KLHL1: variants seen among roughly 807,000 people sequenced by gnomAD.
The protein encoded by KLHL1 is kelch-like protein 1.
In KLHL1, 47 loss-of-function variants were observed where a neutral mutation model predicts 77.7. The observed-to-expected ratio is 0.60, with a 90% confidence interval of 0.48 to 0.77. The LOEUF is 0.77. Among genes scored for constraint, KLHL1 ranks in the 30% least tolerant of loss-of-function variants. KLHL1 has a pLI of 0.00. For synonymous variants in KLHL1, 360 were observed against 325.2 expected, an observed-to-expected ratio of 1.11 and a Z score of -1.15; for missense variants, 925 against 910.8, an observed-to-expected ratio of 1.02 and a Z score of -0.20.
At chr13:69,777,392 A>T (rs1474269749) in intron 7 of KLHL1, among the ~76,000 whole-genome samples, 1 of 152,200 alleles carries the variant, frequency 6.6e-6, no homozygotes, top group Non-Finnish European at 1.5e-5. Context: ...TTAATATTTG[A>T]TTATTAAATT....
chr13:70,017,928 T>G (rs559547695), intron 1 of KLHL1, among the ~76,000 whole-genome samples: 33 of 152,236 alleles, frequency 2.2e-4, no homozygotes, highest in African/African-American at 7.9e-4. Flanking sequence ...TGTATTTAAA[T>G]AAGAGTGTAA....
rs1359060017 is a variant in KLHL1 at position 70,009,688 on chromosome 13, T to A, written c.498-33886A>T. On this transcript the variant is annotated intron_variant, in intron 1 of 10. Coordinates refer to ENST00000377844, the MANE Select transcript of KLHL1 (RefSeq NM_020866.3). ...AACCTGTCTCCATGTGAGCTTCAAT[T>A]TTTTCATCTGTAATGTGGAACTAAT... is the stretch of plus-strand genomic sequence containing the variant. 2.0e-5 allele frequency among the ~76,000 whole-genome samples: 3 copies of A among 152,192 alleles called. 1 individual carries two copies. Among genetic ancestry groups the A allele is most frequent in the Admixed American group, 2.0e-4 (3 of 15,276 alleles).
chr13:69,872,260 G>A (rs982079431), intron 5 of KLHL1, among the ~76,000 whole-genome samples: 1 of 152,080 alleles, frequency 6.6e-6, no homozygotes, highest in South Asian at 2.1e-4. Context: ...AAGTACATAG[G>A]GGGGACTCCA....
At position 70,080,606 on chromosome 13, in the gene KLHL1, T is replaced by C. The variant is rs143506649; in HGVS notation, c.497+26597A>G. Among the ~76,000 whole-genome samples the C allele has an allele frequency of 2.6e-5, 4 of 152,270 alleles. No homozygotes were observed. The East Asian group carries it at 5.8e-4, about 22-fold the overall frequency. ...CTATTTATTTTACTTTGTTTTATTT[T>C]ATCATTTTTGAGAGGGAGGCTTGTT... is the stretch of plus-strand genomic sequence containing the variant. On this transcript the variant is annotated intron_variant, in intron 1 of 10. Transcript: ENST00000377844.
chr13:69,755,681 C>T (rs904573187), intron 7 of KLHL1, among the ~76,000 whole-genome samples: 1 of 151,964 alleles, frequency 6.6e-6, no homozygotes, highest in African/African-American at 2.4e-5. Context: ...AAGTTAATTA[C>T]GTAATGCATT....
intron 4 of KLHL1, among the ~76,000 whole-genome samples, chr13:69,934,396 G>A (rs1196114182): frequency 2.6e-5 from 4 of 151,754 alleles, no homozygotes; most frequent in East Asian, 1.9e-4. Context: ...ATACACAGAC[G>A]TATACATACA....
At chr13:70,008,513 T>C (rs1448325070) in intron 1 of KLHL1, among the ~76,000 whole-genome samples, 1 of 152,088 alleles carries the variant, frequency 6.6e-6, no homozygotes, top group Non-Finnish European at 1.5e-5. Flanking sequence ...AATATGCATG[T>C]TTTTAACCAT....
chr13:70,075,919 C>A (rs894232344), intron 1 of KLHL1, among the ~76,000 whole-genome samples: 1 of 150,074 alleles, frequency 6.7e-6, no homozygotes, highest in East Asian at 2.0e-4. Context: ...ATATTTAGGT[C>A]AAAATCTAAA....
intron 1 of KLHL1, among the ~76,000 whole-genome samples, chr13:70,081,766 A>T (rs1887397942): frequency 6.6e-6 from 1 of 152,198 alleles, no homozygotes; most frequent in South Asian, 2.1e-4. Context: ...GAAGCAGAAG[A>T]CCTAGGTAAG....
At chr13:69,922,017 C>T (rs1882657667) in intron 4 of KLHL1, among the ~76,000 whole-genome samples, 2 of 149,102 alleles carry the variant, frequency 1.3e-5, no homozygotes, top group Non-Finnish European at 3.0e-5. Flanking sequence ...TAGCCTTGAA[C>T]TACTGGGCTC....
intron 1 of KLHL1, among the ~76,000 whole-genome samples, chr13:70,071,523 G>A (rs183877979): frequency 7.9e-5 from 12 of 152,002 alleles, no homozygotes; most frequent in African/African-American, 2.7e-4. Flanking sequence ...CAGAATATGC[G>A]ATCTTCTCAA....
intron 7 of KLHL1, among the ~76,000 whole-genome samples, chr13:69,747,419 T>C (rs1273054357): frequency 6.6e-6 from 1 of 152,052 alleles, no homozygotes; most frequent in African/African-American, 2.4e-5. Flanking sequence ...TTATTTACTT[T>C]AAACTGGGGA....
rs764909620 is a variant in KLHL1 at position 69,719,525 on chromosome 13, T to A, written c.1859A>T (p.Tyr620Phe). The change falls in exon 9 of 11, where the codon TAT becomes TTT. Residue 620 changes from tyrosine (Y) to phenylalanine (F), a missense_variant. Tyr to Phe is a conservative substitution (Grantham distance 22, BLOSUM62 3). Coordinates refer to ENST00000377844, the MANE Select transcript of KLHL1 (RefSeq NM_020866.3). ...GSSCLSSMEYYDPHTNKWNMC... is the reference protein window; with the variant it reads ...GSSCLSSMEYFDPHTNKWNMC... ...GTTCCACTTATTTGTATGAGGATCA[T>A]AATATTCCATTGAACTCAAACAGGA... is the stretch of plus-strand genomic sequence containing the variant. 2.5e-6 allele frequency: 4 copies of A among 1,613,466 alleles called. No individual in the cohort carries two copies. Among genetic ancestry groups the A allele is most frequent in the Non-Finnish European group, 3.4e-6 (4 of 1,179,644 alleles).
At chr13:69,815,590 C>G (rs748918934) in intron 6 of KLHL1, among the ~76,000 whole-genome samples, 3 of 152,080 alleles carry the variant, frequency 2.0e-5, no homozygotes, top group African/African-American at 4.8e-5. Context: ...TGTTGAAAAA[C>G]TATCATCCAT....
chr13:69,745,278 C>G (rs1209704768), intron 7 of KLHL1, among the ~76,000 whole-genome samples: 2 of 149,160 alleles, frequency 1.3e-5, no homozygotes, highest in East Asian at 3.9e-4. Flanking sequence ...CTGTTAAAAA[C>G]CTCTTCATTT....
chr13:69,725,016 G>A (rs569980496), intron 8 of KLHL1, among the ~76,000 whole-genome samples: 1 of 152,216 alleles, frequency 6.6e-6, no homozygotes, highest in East Asian at 1.9e-4. Flanking sequence ...CATGTGGTGG[G>A]TTTGTTTCAC....
At chr13:69,923,730 C>T (rs117573153) in intron 4 of KLHL1, among the ~76,000 whole-genome samples, 1,697 of 152,256 alleles carry the variant, frequency 0.011, 13 homozygotes, top group Middle Eastern at 0.044. Flanking sequence ...GCAGCTGCTG[C>T]GATGATGCCA....
At chr13:70,008,371 C>A (rs938940745) in intron 1 of KLHL1, among the ~76,000 whole-genome samples, 3 of 151,828 alleles carry the variant, frequency 2.0e-5, no homozygotes, top group African/African-American at 7.3e-5. Flanking sequence ...ATGCCTTGGG[C>A]CATATCTTTT....
At chr13:70,104,190 A>C (rs1300775281) in intron 1 of KLHL1, among the ~76,000 whole-genome samples, 1 of 152,186 alleles carries the variant, frequency 6.6e-6, no homozygotes, top group Admixed American at 6.5e-5. Flanking sequence ...ATGTATATTT[A>C]GACAGGGAAG....
Sources: gnomAD v4.1 joint callset for allele counts (sites outside exome capture counted in the v4.1 genomes callset) on GRCh38, gnomAD v4.1.1 for gene constraint, MANE v1.5 for transcripts, NCBI Gene and HGNC (gene_info 2026-07-23, HGNC 2026-07-21) for gene names.